The following DNAH8 variants were observed in gnomAD, a reference collection of about 807,000 sequenced individuals.
DNAH8 encodes dynein axonemal heavy chain 8, also known as axonemal beta dynein heavy chain 8.
Under a neutral mutation model 562.1 loss-of-function variants are expected in DNAH8, and 382 were observed. The ratio of observed to expected loss-of-function variants is 0.68; its 90% confidence interval spans 0.63 to 0.74. The LOEUF (loss-of-function observed/expected upper bound fraction) is 0.74, where lower values mean the gene tolerates loss of function less well. Among genes scored for constraint, DNAH8 ranks in the 30% least tolerant of loss-of-function variants. DNAH8 has a pLI of 0.00. For synonymous variants in DNAH8, 1,881 were observed against 1,919.4 expected, an observed-to-expected ratio of 0.98 and a Z score of 0.52; for missense variants, 5,203 against 5,620.4, an observed-to-expected ratio of 0.93 and a Z score of 2.37.
intron 62 of DNAH8, among the ~76,000 whole-genome samples, chr6:38,902,455 A>C (rs1780141149): frequency 6.6e-6 from 1 of 152,134 alleles, no homozygotes; most frequent in Non-Finnish European, 1.5e-5. Context: ...AAATTATTCA[A>C]ACTAGCAAAT....
At chr6:38,794,637 C>T (rs955285691) in intron 21 of DNAH8, among the ~76,000 whole-genome samples, 1 of 152,162 alleles carries the variant, frequency 6.6e-6, no homozygotes, top group Non-Finnish European at 1.5e-5. Context: ...TTTTGAACTT[C>T]ATGTAAATGG....
At chr6:38,956,249 C>G (rs1174134248) in intron 82 of DNAH8, among the ~76,000 whole-genome samples, 2 of 152,174 alleles carry the variant, frequency 1.3e-5, no homozygotes, top group African/African-American at 4.8e-5. Flanking sequence ...CCAAGGGTGC[C>G]CACTGTCAGC....
chr6:38,789,802 G>C lies in DNAH8; in HGVS notation c.2584-1G>C. 1 of 1,602,374 alleles carries C rather than the reference G, an allele frequency of 6.2e-7. No individual in the cohort carries two copies. Among genetic ancestry groups the C allele is most frequent in the Non-Finnish European group, 8.5e-7 (1 of 1,174,250 alleles). Reference sequence around the variant, plus strand: ...AAACATGCCATTTCAACTTCCTACAGGGTCTTCTGCAATATTATGATGAGT... The same window carrying C: ...AAACATGCCATTTCAACTTCCTACACGGTCTTCTGCAATATTATGATGAGT... On this transcript the variant is annotated splice_acceptor_variant, in intron 18 of 92. Coordinates refer to ENST00000327475, the MANE Select transcript of DNAH8 (RefSeq NM_001206927.2). LOFTEE classifies it high-confidence loss of function.
chr6:38,888,947 C>T (rs1200416156), intron 57 of DNAH8, among the ~76,000 whole-genome samples: 3 of 152,190 alleles, frequency 2.0e-5, no homozygotes, highest in Admixed American at 2.0e-4. Context: ...AAGTCCTTTT[C>T]TATCCGGACA....
intron 10 of DNAH8, among the ~76,000 whole-genome samples, chr6:38,758,513 C>G (rs1766154978): frequency 6.6e-6 from 1 of 151,984 alleles, no homozygotes; most frequent in African/African-American, 2.4e-5. Flanking sequence ...AATTGAATGC[C>G]CTTTATTTCC....
intron 49 of DNAH8, among the ~76,000 whole-genome samples, chr6:38,872,188 A>G (rs979603734): frequency 2.6e-5 from 4 of 152,210 alleles, no homozygotes; most frequent in Non-Finnish European, 5.9e-5. Flanking sequence ...CGATATCATC[A>G]CATTGGATGC....
intron 3 of DNAH8, among the ~76,000 whole-genome samples, chr6:38,726,109 G>A (rs190690807): frequency 2.3e-3 from 353 of 152,306 alleles, no homozygotes; most frequent in Admixed American, 4.7e-3. Context: ...GGCCTGTCCC[G>A]AGGATCAGTC....
chr6:38,790,258 A>G (rs761893550), intron 19 of DNAH8, 31 bp from the exon 20 acceptor site: 8 of 1,161,662 alleles, frequency 6.9e-6, no homozygotes, highest in Admixed American at 5.3e-5. Context: ...CCTGTTGATA[A>G]TAGAAGCAGT....
intron 82 of DNAH8, among the ~76,000 whole-genome samples, chr6:38,961,453 T>C (rs1472434620): frequency 6.6e-6 from 1 of 151,910 alleles, no homozygotes; most frequent in Non-Finnish European, 1.5e-5. Flanking sequence ...AATATGACTT[T>C]GAAAAGGAAG....
At position 38,790,385 on chromosome 6, in the gene DNAH8, T is replaced by C. The variant is rs766119651; in HGVS notation, c.2761T>C (p.Phe921Leu). The change falls in exon 20 of 93, where the codon TTC becomes CTC. Residue 921 changes from phenylalanine to leucine, a missense_variant. Phe to Leu is a conservative substitution (Grantham distance 22). Around this residue, in one of 6 missense-constraint regions of DNAH8, gnomAD observed 2,176 missense variants for 2,365.1 expected, o/e 0.92. Coordinates refer to ENST00000327475, the MANE Select transcript of DNAH8 (RefSeq NM_001206927.2). ...AGAAGTCGAATTAGTTTTGGATATG[T>C]TCAATCAACTTTTAAAGAAGGTATG... ...FQEVELVLDM[F>L]NQLLKKISDL... is the part of the protein sequence containing the mutation. The C allele has an allele frequency of 4.5e-6, 7 of 1,571,432 alleles. No individual in the cohort carries two copies. Among genetic ancestry groups the C allele is most frequent in the Non-Finnish European group, 6.1e-6 (7 of 1,148,098 alleles).
chr6:38,799,440 C>CGACA (rs1770585063), intron 21 of DNAH8, among the ~76,000 whole-genome samples: 1 of 152,070 alleles, frequency 6.6e-6, no homozygotes, highest in Non-Finnish European at 1.5e-5. Context: ...CTTTCCTTGC[C>CGACA]GACAGACACT....
intron 26 of DNAH8, among the ~76,000 whole-genome samples, chr6:38,816,947 T>G (rs113565852): frequency 1.1e-4 from 16 of 152,326 alleles, no homozygotes; most frequent in African/African-American, 3.8e-4. Context: ...GAAACTGGTC[T>G]CTTCAACTGG....
At chr6:38,771,050 CA>C (rs1241701241) in intron 12 of DNAH8, among the ~76,000 whole-genome samples, 7 of 152,090 alleles carry the variant, frequency 4.6e-5, no homozygotes, top group Non-Finnish European at 8.8e-5. Flanking sequence ...GAAGGAGTGA[CA>C]TTTTTTTGGG....
At chr6:38,734,743 A>T in intron 5 of DNAH8, 118 bp downstream of exon 5, 2 of 1,117,272 alleles carry the variant, frequency 1.8e-6, no homozygotes, top group Non-Finnish European at 2.5e-6. Flanking sequence ...GTTCCAAGAA[A>T]ATAAATGTAT....
chr6:38,862,590 T>G, intron 44 of DNAH8, 132 bp downstream of exon 44: 1 of 1,087,824 alleles, frequency 9.2e-7, no homozygotes, highest in Non-Finnish European at 1.3e-6. Context: ...CCGTATGATA[T>G]TGCCATTTTT....
Position 38,945,647 on chromosome 6 carries a change from C to T in DNAH8, c.12129+59C>T, listed in dbSNP as rs183020313. The T allele has an allele frequency of 1.0e-5, 16 of 1,602,816 alleles. No homozygotes were observed. In the Admixed American group the frequency reaches 1.2e-4, roughly 12 times the overall value. On this transcript the variant is annotated intron_variant, in intron 80 of 92. Transcript: ENST00000327475. ...TCTGCAAACCCAAACATACCTGGGCCGCTTAAACTGGGGCTTCCTGGCAGC... is the reference window on the plus strand; with the variant it reads ...TCTGCAAACCCAAACATACCTGGGCTGCTTAAACTGGGGCTTCCTGGCAGC...
rs757740391 is a variant in DNAH8 at position 38,781,349 on chromosome 6, A to T, written c.2235A>T (p.Ile745=). 1 of 1,613,658 alleles carries T rather than the reference A, an allele frequency of 6.2e-7. No individual in the cohort carries two copies. Among genetic ancestry groups the T allele is most frequent in the Non-Finnish European group, 8.5e-7 (1 of 1,179,758 alleles). The change falls in exon 16 of 93, where the codon ATA becomes ATT. Residue 745 remains isoleucine (I), a synonymous_variant. Coordinates refer to ENST00000327475, the MANE Select transcript of DNAH8 (RefSeq NM_001206927.2). ...ILWVRQLYRR[I]SEPINYFFKN... is the part of the protein sequence containing the mutation. Reference sequence around the variant, plus strand: ...GGGTGAGGCAGCTCTATCGCCGGATAAGTGAGCCCATCAATTATTTCTTTG... The same window carrying T: ...GGGTGAGGCAGCTCTATCGCCGGATTAGTGAGCCCATCAATTATTTCTTTG...
chr6:38,894,961 T>C, intron 59 of DNAH8, 97 bp downstream of exon 59: 1 of 1,275,614 alleles, frequency 7.8e-7, no homozygotes, highest in Non-Finnish European at 1.1e-6. Context: ...GGAGTTTTGC[T>C]CTTGTTGCCC....
At chr6:38,994,651 T>C (rs1358512345) in intron 88 of DNAH8, among the ~76,000 whole-genome samples, 3 of 7,844 alleles carry the variant, frequency 3.8e-4, no homozygotes, top group Non-Finnish European at 6.1e-4. Flanking sequence ...TTTTTTTTCT[T>C]TTTTTTTTTT....
Sources: allele counts gnomAD v4.1 joint callset (sites outside exome capture counted in the v4.1 genomes callset), GRCh38; gene constraint gnomAD v4.1.1; regional missense constraint gnomAD v4.1.1; transcripts MANE v1.5; gene names NCBI Gene and HGNC (gene_info 2026-07-23, HGNC 2026-07-21).